The following ZC3HAV1 variants were observed in gnomAD, a reference collection of about 807,000 sequenced individuals.
ZC3HAV1 encodes the protein zinc finger CCCH-type antiviral protein 1.
Under a neutral mutation model 86.6 loss-of-function variants are expected in ZC3HAV1, and 41 were observed. The ratio of observed to expected loss-of-function variants is 0.47; its 90% CI spans 0.37 to 0.61. ZC3HAV1 has a LOEUF of 0.61. Ranked by LOEUF, ZC3HAV1 falls within the 20% of genes least tolerant of loss-of-function variation. ZC3HAV1 has a pLI of 0.00. For synonymous variants in ZC3HAV1, 421 were observed against 432.1 expected (o/e 0.97, Z 0.32); for missense variants, 964 against 1,141.1 (o/e 0.84, Z 2.24).
chr7:139,070,527 G>A (rs533035822), intron 7 of ZC3HAV1, among the ~76,000 whole-genome samples: 1 of 151,810 alleles, frequency 6.6e-6, no homozygotes, highest in Non-Finnish European at 1.5e-5. Context: ...AGCTGGGCGC[G>A]GTGGCGGGCG....
Position 139,073,970 on chromosome 7 carries a change from G to T in ZC3HAV1, c.1758C>A (p.Ile586=), listed in dbSNP as rs368557188. 3.1e-4 allele frequency: 495 copies of T among 1,613,982 alleles called. 6 individuals carry two copies. In the South Asian group the frequency reaches 5.1e-3, roughly 16 times the overall value. ...FRVMSCDSFP[I]RRLSTPSSVT... ...CAGAAGAAGGAGTGGAGAGGCGTCG[G>T]ATGGGAAAGGAATCACAACTCATTA... The change falls in exon 7 of 13, where the codon ATC becomes ATA. Residue 586 remains isoleucine (I), a synonymous_variant. Coordinates refer to ENST00000242351, the MANE Select transcript of ZC3HAV1 (RefSeq NM_020119.4).
rs1816203138 is a variant in ZC3HAV1, at chr7:139,053,704, TA to T, written c.2319-124del. The T allele has an allele frequency of 3.0e-6, 4 of 1,319,612 alleles. No homozygotes were observed. The African/African-American group carries it at 4.5e-5, about 15-fold the overall frequency. The allele number at this position is 1,319,612 out of a possible 1,614,324, so 81.7% of individuals were successfully genotyped here. A position where few individuals can be genotyped will look rare whatever the true frequency, so the allele number is the denominator to read the frequency against. On this transcript the variant is annotated intron_variant, in intron 11 of 12. Coordinates refer to ENST00000242351, the MANE Select transcript of ZC3HAV1 (RefSeq NM_020119.4). ...ACTCCATCAGCTTTCACAACGGAGC[TA>T]CTAACTTTAAGGCAGCAGCTGTACA... is the stretch of plus-strand genomic sequence containing the variant.
intron 1 of ZC3HAV1, among the ~76,000 whole-genome samples, chr7:139,099,314 C>G (rs996383865): frequency 6.6e-6 from 1 of 152,168 alleles, no homozygotes; most frequent in African/African-American, 2.4e-5. Context: ...ACTCCATGGA[C>G]AGTGCAGAAT....
At chr7:139,093,631 C>G (rs762054256) in intron 1 of ZC3HAV1, among the ~76,000 whole-genome samples, 1 of 152,208 alleles carries the variant, frequency 6.6e-6, no homozygotes. Context: ...GGCCCCTGCC[C>G]GCCAGAGAAC....
intron 4 of ZC3HAV1, chr7:139,079,105 C>T: frequency 6.5e-7 from 1 of 1,536,108 alleles, no homozygotes; most frequent in Non-Finnish European, 8.7e-7. Flanking sequence ...GTGACTTACA[C>T]TGAGCAGAGC....
rs1554445029 is a variant in ZC3HAV1, at chr7:139,097,434, T to TTA, written c.309-7676_309-7675insTA. Among the ~76,000 whole-genome samples, 5 of 105,856 alleles carry TTA rather than the reference T, an allele frequency of 4.7e-5. 1 individual carries two copies. Among genetic ancestry groups the TTA allele is most frequent in the African/African-American group, 2.3e-4 (5 of 22,100 alleles). The allele number at this position is 105,856 out of a possible 152,430, so 69.4% of individuals were successfully genotyped here. A position where few individuals can be genotyped will look rare whatever the true frequency, so the allele number is the denominator to read the frequency against. The stretch of plus-strand genomic sequence containing the variant: ...TATATATATATATATATATATTTTT[T>TTA]TTTTTTTTTTTTTTCTTTGAGATGG... On this transcript the variant is annotated intron_variant, in intron 1 of 12. Coordinates refer to ENST00000242351, the MANE Select transcript of ZC3HAV1 (RefSeq NM_020119.4).
chr7:139,055,294 G>A lies in ZC3HAV1; in HGVS notation c.2098C>T (p.His700Tyr). 6.2e-7 allele frequency: 1 copy of A among 1,610,934 alleles called. No individual in the cohort carries two copies. The highest frequency in any genetic ancestry group is 2.2e-5 in the East Asian group (1 of 44,782). Reference sequence around the variant, plus strand: ...ACTGACGAGGTCTTTGCTGGCTGATGGCTACAAATAAAGAGAAAGAATTCA... The same window carrying A: ...ACTGACGAGGTCTTTGCTGGCTGATAGCTACAAATAAAGAGAAAGAATTCA... ...YVQQMKRGPD[H>Y]QPAKTSSVSL... Residue 700 changes from histidine (H) to tyrosine (Y), a missense_variant and splice_region_variant, in exon 10 of 13, where the codon CAT becomes TAT. By Grantham distance (83) the His-to-Tyr change is moderately conservative (BLOSUM62 2). Coordinates refer to ENST00000242351, the MANE Select transcript of ZC3HAV1 (RefSeq NM_020119.4).
chr7:139,049,144 C>CTTT (rs1563121761), intron 12 of ZC3HAV1, among the ~76,000 whole-genome samples: 3 of 86,420 alleles, frequency 3.5e-5, no homozygotes, highest in East Asian at 3.4e-4. Flanking sequence ...TTTTTTTTTT[C>CTTT]GTTGTTGTTG....
Position 139,076,348 on chromosome 7 carries a change from G to C in ZC3HAV1, c.1635C>G (p.Thr545=), listed in dbSNP as rs780661997. 2 of 1,614,128 alleles carry C rather than the reference G, an allele frequency of 1.2e-6. No individual in the cohort carries two copies. Among genetic ancestry groups the C allele is most frequent in the South Asian group, 2.2e-5 (2 of 91,074 alleles). Residue 545 remains threonine (T), a synonymous_variant, in exon 6 of 13, where the codon ACC becomes ACG. Transcript: ENST00000242351. The part of the protein sequence containing the change: ...PYRWQMLIGK[T]WTDFEHMETI... ...TCTCCATGTGCTCAAAGTCCGTCCA[G>C]GTTTTACCAATAAGCATCTGCCACC...
chr7:139,089,101 C>CAAA (rs1195760878), intron 2 of ZC3HAV1, among the ~76,000 whole-genome samples: 19 of 20,676 alleles, frequency 9.2e-4, no homozygotes, highest in East Asian at 1.4e-3. Context: ...GACTCCATCT[C>CAAA]AAAAAAAAAA....
chr7:139,077,007 C>T (rs1302111313), intron 5 of ZC3HAV1, among the ~76,000 whole-genome samples: 1 of 135,732 alleles, frequency 7.4e-6, no homozygotes, highest in Non-Finnish European at 1.5e-5. Context: ...TGCACCCCCC[C>T]AAGTGTATGA....
In ZC3HAV1 at chr7:139,076,535, C is replaced by A. The variant is rs544543348; in HGVS notation, c.1574-126G>T. On this transcript the variant is annotated intron_variant, in intron 5 of 12. Coordinates refer to ENST00000242351, the MANE Select transcript of ZC3HAV1 (RefSeq NM_020119.4). Reference sequence around the variant, plus strand: ...CCCTGCCAGACAGGTTCCATCTATACCAGCTGACACTGCTGTGTGTCCATT... The same window carrying A: ...CCCTGCCAGACAGGTTCCATCTATAACAGCTGACACTGCTGTGTGTCCATT... 46 of 1,214,650 alleles carry A rather than the reference C, an allele frequency of 3.8e-5. No homozygotes were observed. The East Asian group carries it at 1.1e-3, about 28-fold the overall frequency. The allele number at this position is 1,214,650 out of a possible 1,614,324, so 75.2% of individuals were successfully genotyped here. A position where few individuals can be genotyped will look rare whatever the true frequency, so the allele number is the denominator to read the frequency against.
chr7:139,081,875 G>A (rs945950147), intron 3 of ZC3HAV1, among the ~76,000 whole-genome samples: 1 of 152,194 alleles, frequency 6.6e-6, no homozygotes, highest in Non-Finnish European at 1.5e-5. Context: ...CTAGAATCAT[G>A]TATTCTATCT....
intron 1 of ZC3HAV1, among the ~76,000 whole-genome samples, chr7:139,100,020 C>T (rs1174324920): frequency 1.3e-5 from 2 of 151,680 alleles, no homozygotes; most frequent in East Asian, 1.9e-4. Context: ...AAAATAAATA[C>T]TTTATCTCAA....
chr7:139,085,742 G>A (rs1817254565), intron 2 of ZC3HAV1, among the ~76,000 whole-genome samples: 3 of 152,158 alleles, frequency 2.0e-5, no homozygotes, highest in Admixed American at 1.3e-4. Flanking sequence ...GCTGGGCATG[G>A]TGGCTCACAC....
chr7:139,075,984 G>T (rs1816930017), intron 6 of ZC3HAV1, among the ~76,000 whole-genome samples: 1 of 152,002 alleles, frequency 6.6e-6, no homozygotes, highest in Non-Finnish European at 1.5e-5. Context: ...GTGTTTTTTT[G>T]CAGGACACAG....
At chr7:139,083,458 G>GT (rs1379662526) in intron 3 of ZC3HAV1, among the ~76,000 whole-genome samples, 1 of 152,194 alleles carries the variant, frequency 6.6e-6, no homozygotes, top group Non-Finnish European at 1.5e-5. Flanking sequence ...GCCGGGTGCA[G>GT]TGGCTCATGC....
chr7:139,106,305 T>C (rs1365993312), intron 1 of ZC3HAV1, among the ~76,000 whole-genome samples: 1 of 152,190 alleles, frequency 6.6e-6, no homozygotes. Flanking sequence ...ATGTTAGATA[T>C]GTAACATATG....
intron 1 of ZC3HAV1, among the ~76,000 whole-genome samples, chr7:139,090,186 G>C (rs759506675): frequency 6.6e-6 from 1 of 152,118 alleles, no homozygotes. Context: ...CTCCTAAAGT[G>C]CTGGGATTAC....
Sources: allele counts gnomAD v4.1 joint callset (sites outside exome capture counted in the v4.1 genomes callset), GRCh38; gene constraint gnomAD v4.1.1; transcripts MANE v1.5; gene names NCBI Gene and HGNC (gene_info 2026-07-23, HGNC 2026-07-21).